SIK2: variants seen among roughly 807,000 people sequenced by gnomAD.
SIK2 encodes the protein serine/threonine-protein kinase SIK2.
SIK2 carries 29 observed loss-of-function variants against 103.2 expected under a neutral mutation model. That is an observed-to-expected ratio of 0.28 (90% CI 0.21 to 0.38). SIK2 has a LOEUF of 0.38. Among genes scored for constraint, SIK2 ranks in the 10% least tolerant of loss-of-function variants. The pLI, the probability that SIK2 is intolerant of heterozygous loss-of-function variation, is 1.00. For missense variants in SIK2, 879 were observed against 1,171.0 expected (o/e 0.75, Z 3.64); for synonymous variants, 412 against 446.1 (o/e 0.92, Z 0.96).
chr11:111,686,302 G>T (rs1484504767), intron 3 of SIK2, among the ~76,000 whole-genome samples: 1 of 152,222 alleles, frequency 6.6e-6, no homozygotes, highest in East Asian at 1.9e-4. Context: ...TTAGCCAGGC[G>T]TGGTGGTGTG....
At position 111,723,567 on chromosome 11, in the gene SIK2, CAG is replaced by C; in HGVS notation, c.2224_2225del (p.Ser742LeufsTer108). 6.2e-7 allele frequency: 1 copy of C among 1,614,204 alleles called. No individual in the cohort carries two copies. Among genetic ancestry groups the C allele is most frequent in the Non-Finnish European group, 8.5e-7 (1 of 1,180,028 alleles). Reference sequence around the variant, plus strand: ...GCCTATTTTAATCAGATGCAGATAGCAGAGAGCTCCTACCCACAGCCAAGTCA... The same window carrying C: ...GCCTATTTTAATCAGATGCAGATAGCAGAGCTCCTACCCACAGCCAAGTCA... On this transcript the variant is annotated frameshift_variant, in exon 15 of 15. Coordinates refer to ENST00000304987, the MANE Select transcript of SIK2 (RefSeq NM_015191.3). LOFTEE classifies it high-confidence loss of function.
rs144329437 is a variant in SIK2, at chr11:111,612,375, T to G, written c.136-3868T>G. Reference sequence around the variant, plus strand: ...CACCATTGTTAGTATTATACATATTTCTGGGAAGTACTTGATAGAGAGCTC... The same window carrying G: ...CACCATTGTTAGTATTATACATATTGCTGGGAAGTACTTGATAGAGAGCTC... On this transcript the variant is annotated intron_variant, in intron 1 of 14. Coordinates refer to ENST00000304987, the MANE Select transcript of SIK2 (RefSeq NM_015191.3). 7.2e-5 allele frequency among the ~76,000 whole-genome samples: 11 copies of G among 152,346 alleles called. No individual in the cohort carries two copies. The East Asian group carries it at 2.1e-3, about 29-fold the overall frequency.
intron 3 of SIK2, among the ~76,000 whole-genome samples, chr11:111,656,636 G>T (rs1337796046): frequency 1.3e-5 from 2 of 152,144 alleles, no homozygotes; most frequent in Non-Finnish European, 2.9e-5. Flanking sequence ...TTTCTGAACT[G>T]CATTTCTTAA....
intron 3 of SIK2, among the ~76,000 whole-genome samples, chr11:111,669,924 G>C (rs1018734625): frequency 6.6e-6 from 1 of 152,012 alleles, no homozygotes; most frequent in Non-Finnish European, 1.5e-5. Flanking sequence ...ATTGATACAT[G>C]ATAGATGTAC....
chr11:111,653,933 C>G (rs1565333924), intron 3 of SIK2, among the ~76,000 whole-genome samples: 1 of 152,120 alleles, frequency 6.6e-6, no homozygotes, highest in African/African-American at 2.4e-5. Flanking sequence ...TTGCTTTGTT[C>G]TATTTTATTG....
chr11:111,644,628 C>T (rs1375701093), intron 3 of SIK2, among the ~76,000 whole-genome samples: 1 of 152,006 alleles, frequency 6.6e-6, no homozygotes, highest in African/African-American at 2.4e-5. Context: ...TACTGCAAAA[C>T]AAAGGAATCT....
At chr11:111,661,087 C>G (rs566307245) in intron 3 of SIK2, among the ~76,000 whole-genome samples, 6 of 151,970 alleles carry the variant, frequency 3.9e-5, no homozygotes, top group African/African-American at 1.4e-4. Flanking sequence ...GCATACCAGT[C>G]GAGATGAATC....
At chr11:111,618,899 C>T (rs1043761134) in intron 2 of SIK2, among the ~76,000 whole-genome samples, 59 of 150,158 alleles carry the variant, frequency 3.9e-4, no homozygotes, top group African/African-American at 1.4e-3. Flanking sequence ...ATACCTGGCT[C>T]ATTTTTTAAT....
intron 3 of SIK2, chr11:111,671,594 C>A: frequency 3.0e-6 from 1 of 331,734 alleles, no homozygotes; most frequent in Non-Finnish European, 5.8e-6. Context: ...TCATACTGGG[C>A]ACAGACCTTG....
At chr11:111,685,151 G>A (rs1186306600) in intron 3 of SIK2, among the ~76,000 whole-genome samples, 1 of 152,206 alleles carries the variant, frequency 6.6e-6, no homozygotes, top group African/African-American at 2.4e-5. Flanking sequence ...ATAAGTGGAG[G>A]ACAATTTTTC....
chr11:111,621,998 C>T (rs770551602), intron 3 of SIK2, among the ~76,000 whole-genome samples: 21 of 151,402 alleles, frequency 1.4e-4, no homozygotes, highest in East Asian at 7.8e-4. Context: ...TTTACTTAAA[C>T]GTATTTTATA....
intron 4 of SIK2, among the ~76,000 whole-genome samples, chr11:111,699,380 A>C (rs867503984): frequency 2.0e-5 from 3 of 152,286 alleles, no homozygotes; most frequent in Middle Eastern, 6.8e-3. Flanking sequence ...GTTGGTGGTA[A>C]TGGTTTCACA....
intron 4 of SIK2, among the ~76,000 whole-genome samples, chr11:111,695,090 A>G (rs528782090): frequency 6.6e-6 from 1 of 152,346 alleles, no homozygotes; most frequent in Non-Finnish European, 1.5e-5. Flanking sequence ...GCAATGGGTC[A>G]GCTTCATCTC....
intron 3 of SIK2, among the ~76,000 whole-genome samples, chr11:111,658,082 C>T (rs1051932708): frequency 6.8e-6 from 1 of 147,360 alleles, no homozygotes; most frequent in Non-Finnish European, 1.5e-5. Flanking sequence ...TTTATTTTTT[C>T]ATTTTTATTT....
intron 4 of SIK2, among the ~76,000 whole-genome samples, chr11:111,692,776 C>A (rs1942978471): frequency 6.6e-6 from 1 of 151,900 alleles, no homozygotes; most frequent in Non-Finnish European, 1.5e-5. Flanking sequence ...ATTACAAGAA[C>A]CCTTACAAAG....
intron 3 of SIK2, among the ~76,000 whole-genome samples, chr11:111,646,623 C>T (rs185652775): frequency 2.0e-5 from 3 of 152,236 alleles, no homozygotes; most frequent in East Asian, 1.9e-4. Flanking sequence ...CCCTCACCCC[C>T]GGGCAACCAC....
chr11:111,714,027 G>A (rs1047756248), intron 9 of SIK2, among the ~76,000 whole-genome samples: 9 of 152,306 alleles, frequency 5.9e-5, no homozygotes, highest in African/African-American at 2.2e-4. Flanking sequence ...GAACGAGGCA[G>A]GGGAAGTTGC....
intron 3 of SIK2, among the ~76,000 whole-genome samples, chr11:111,623,050 G>GT (rs765451444): frequency 2.0e-5 from 3 of 152,072 alleles, no homozygotes; most frequent in Non-Finnish European, 1.5e-5. Flanking sequence ...ATATTAAACT[G>GT]TTTGAAATTG....
In SIK2 at chr11:111,701,774, C is replaced by T. The variant is rs1368589247; in HGVS notation, c.727+199C>T. On this transcript the variant is annotated intron_variant, in intron 6 of 14. Transcript: ENST00000304987. This position sits in a 1 kb window ranked among gnomAD's most constrained non-coding sequence, Gnocchi z 4.2. ...AGCCTTCTACTTGTAACTAAACACA[C>T]AGCATTTCCCAGATTAAGAGCAGCA... Among the ~76,000 whole-genome samples the T allele has an allele frequency of 6.6e-6, 1 of 152,164 alleles. No homozygotes were observed. The highest frequency in any genetic ancestry group is 2.4e-5 in the African/African-American group (1 of 41,442).
Sources: allele counts gnomAD v4.1 joint callset (sites outside exome capture counted in the v4.1 genomes callset), GRCh38; gene constraint gnomAD v4.1.1; non-coding constraint Gnocchi (gnomAD v3.1); transcripts MANE v1.5; gene names NCBI Gene and HGNC (gene_info 2026-07-23, HGNC 2026-07-21).